The following PTK2B variants were observed in gnomAD, a reference collection of about 807,000 sequenced individuals.
PTK2B encodes the protein protein-tyrosine kinase 2-beta.
In PTK2B, 71 loss-of-function variants were observed where a neutral mutation model predicts 142.9. The observed-to-expected ratio is 0.50, with a 90% CI of 0.41 to 0.61. PTK2B has a LOEUF of 0.61. Among genes scored for constraint, PTK2B ranks in the 20% least tolerant of loss-of-function variants. The pLI is 0.00. For synonymous variants in PTK2B, 519 were observed against 503.4 expected, an observed-to-expected ratio of 1.03 and a Z score of -0.42; for missense variants, 1,105 against 1,320.4, an observed-to-expected ratio of 0.84 and a Z score of 2.53.
At chr8:27,338,652 A>G (rs1804220882) in intron 1 of PTK2B, among the ~76,000 whole-genome samples, 1 of 152,222 alleles carries the variant, frequency 6.6e-6, no homozygotes, top group African/African-American at 2.4e-5. Context: ...AAGCATCCCA[A>G]ACTAGCCTTG....
In PTK2B at chr8:27,363,199, T is replaced by A. The variant is rs894326727; in HGVS notation, c.-37-34349T>A. Among the ~76,000 whole-genome samples, 1 of 152,154 alleles carries A rather than the reference T, an allele frequency of 6.6e-6. No homozygotes were observed. Among genetic ancestry groups the A allele is most frequent in the Non-Finnish European group, 1.5e-5 (1 of 68,028 alleles). ...TTCAGCCCAGTTCTGAGGGCCCCTCTTGAACCAGCTTTTGGGAAGCTTTGA... is the reference window on the plus strand; with the variant it reads ...TTCAGCCCAGTTCTGAGGGCCCCTCATGAACCAGCTTTTGGGAAGCTTTGA... On this transcript the variant is annotated intron_variant, in intron 1 of 30. Transcript: ENST00000346049. This position sits in a 1 kb window ranked among gnomAD's most constrained non-coding sequence, Gnocchi z 4.3.
chr8:27,394,947 C>A (rs552165606), intron 1 of PTK2B, among the ~76,000 whole-genome samples: 1 of 152,318 alleles, frequency 6.6e-6, no homozygotes, highest in East Asian at 1.9e-4. Flanking sequence ...GCCTCCACAT[C>A]TCGTCCCACT....
At chr8:27,432,587 A>G (rs996012790) in intron 10 of PTK2B, among the ~76,000 whole-genome samples, 12 of 152,144 alleles carry the variant, frequency 7.9e-5, no homozygotes, top group African/African-American at 2.7e-4. Flanking sequence ...TCAGGAGAAG[A>G]AATTGGGAAG....
chr8:27,404,672 C>T (rs1445065695), intron 2 of PTK2B, among the ~76,000 whole-genome samples: 3 of 152,204 alleles, frequency 2.0e-5, no homozygotes, highest in Admixed American at 2.0e-4. Context: ...ATCATACAAT[C>T]CCTTCCAGAA....
chr8:27,399,427 A>G (rs534512278), intron 2 of PTK2B, among the ~76,000 whole-genome samples: 1 of 152,364 alleles, frequency 6.6e-6, no homozygotes, highest in Admixed American at 6.5e-5. Context: ...TTAGAAAAGT[A>G]TCTAAAATCA....
At chr8:27,454,048 A>G in intron 28 of PTK2B, 106 bp from the exon 29 acceptor site, 1 of 1,459,624 alleles carries the variant, frequency 6.9e-7, no homozygotes, top group Non-Finnish European at 9.5e-7. Flanking sequence ...AGTCCTTTCC[A>G]ATCGGGCTGG....
intron 1 of PTK2B, among the ~76,000 whole-genome samples, chr8:27,351,598 AT>A (rs1462527948): frequency 2.6e-5 from 4 of 152,186 alleles, no homozygotes; most frequent in Admixed American, 1.3e-4. Context: ...ACCAAAAAAA[AT>A]AAATTAATTA....
At chr8:27,347,214 T>TTA (rs5890367) in intron 1 of PTK2B, among the ~76,000 whole-genome samples, 2 of 141,904 alleles carry the variant, frequency 1.4e-5, no homozygotes, top group Non-Finnish European at 3.0e-5. Context: ...CCATCTCTAC[T>TTA]AAAAAAAAAA....
intron 5 of PTK2B, among the ~76,000 whole-genome samples, chr8:27,422,847 T>C (rs1809848435): frequency 6.6e-6 from 1 of 152,158 alleles, no homozygotes; most frequent in Non-Finnish European, 1.5e-5. Flanking sequence ...ACTTCCATGT[T>C]GGGGAGGTGA....
At chr8:27,454,348 A>C in intron 29 of PTK2B, 57 bp downstream of exon 29, 1 of 1,589,804 alleles carries the variant, frequency 6.3e-7, no homozygotes, top group Non-Finnish European at 8.6e-7. Context: ...CCTGGAAGGA[A>C]AGGGGACTGC....
At chr8:27,343,947 G>C (rs553108159) in intron 1 of PTK2B, among the ~76,000 whole-genome samples, 89 of 152,238 alleles carry the variant, frequency 5.8e-4, no homozygotes, top group African/African-American at 2.0e-3. Flanking sequence ...AGCTTGCAGT[G>C]AGCCGAGATC....
At chr8:27,343,306 C>T (rs1426451821) in intron 1 of PTK2B, among the ~76,000 whole-genome samples, 1 of 152,202 alleles carries the variant, frequency 6.6e-6, no homozygotes, top group Non-Finnish European at 1.5e-5. Context: ...CAAGCCCTCC[C>T]ACTGCTCCCT....
intron 3 of PTK2B, among the ~76,000 whole-genome samples, chr8:27,317,462 A>G (rs1039819421): frequency 4.1e-5 from 6 of 147,646 alleles, no homozygotes; most frequent in Non-Finnish European, 7.5e-5. Context: ...TATGCCTTCT[A>G]TTATTTCACC....
intron 1 of PTK2B, among the ~76,000 whole-genome samples, chr8:27,337,182 G>A (rs1804124059): frequency 1.3e-5 from 2 of 152,002 alleles, no homozygotes; most frequent in Admixed American, 1.3e-4. Flanking sequence ...TGTTGCCCAG[G>A]CTGGAGTGAA....
intron 1 of PTK2B, among the ~76,000 whole-genome samples, chr8:27,371,570 CAG>C (rs1365192586): frequency 6.8e-6 from 1 of 146,954 alleles, no homozygotes; most frequent in Non-Finnish European, 1.5e-5. Context: ...TATTTTGAGA[CAG>C]AGTCTCACTC....
At position 27,363,240 on chromosome 8, in the gene PTK2B, C is replaced by G. The variant is rs780965479; in HGVS notation, c.-37-34308C>G. 6.6e-6 allele frequency among the ~76,000 whole-genome samples: 1 copy of G among 152,056 alleles called. No individual in the cohort carries two copies. Among genetic ancestry groups the G allele is most frequent in the East Asian group, 1.9e-4 (1 of 5,164 alleles). ...GAAGCTTTGAGGGAGAGAGGGGAGC[C>G]AGAGAGGACGTCTCGTGAGAAGTGT... On this transcript the variant is annotated intron_variant, in intron 1 of 30. Coordinates refer to ENST00000346049, the MANE Select transcript of PTK2B (RefSeq NM_173176.3). The surrounding 1 kb of genome is among the most constrained non-coding windows in gnomAD (Gnocchi z 4.3).
At chr8:27,435,900 C>T (rs933020737) in intron 14 of PTK2B, 107 bp downstream of exon 14, 35 of 1,384,524 alleles carry the variant, frequency 2.5e-5, no homozygotes, top group East Asian at 1.4e-4. Flanking sequence ...CTTTATCCTC[C>T]CTTCGTGCTA....
intron 1 of PTK2B, among the ~76,000 whole-genome samples, chr8:27,365,361 G>T (rs747869877): frequency 6.6e-6 from 1 of 152,222 alleles, no homozygotes. Context: ...AATTCCCGCA[G>T]TTCATCCCTA....
At chr8:27,345,959 G>A (rs1006867510) in intron 1 of PTK2B, among the ~76,000 whole-genome samples, 3 of 152,134 alleles carry the variant, frequency 2.0e-5, no homozygotes, top group Non-Finnish European at 4.4e-5. Context: ...GCCTGTCTGA[G>A]ACACCAGACC....
Sources: gnomAD v4.1 joint callset for allele counts (sites outside exome capture counted in the v4.1 genomes callset) on GRCh38, gnomAD v4.1.1 for gene constraint, Gnocchi (gnomAD v3.1) non-coding constraint, MANE v1.5 for transcripts, NCBI Gene and HGNC (gene_info 2026-07-23, HGNC 2026-07-21) for gene names.